The following GABRA3 variants were observed in gnomAD, a reference collection of about 807,000 sequenced individuals.
The protein encoded by GABRA3 is gamma-aminobutyric acid receptor subunit alpha-3.
In GABRA3, 10 loss-of-function variants were observed where a neutral mutation model predicts 30.1. The ratio of observed to expected loss-of-function variants is 0.33; its 90% confidence interval spans 0.20 to 0.56. GABRA3 has a LOEUF of 0.56. GABRA3 is among the 20% of genes least tolerant of loss of function. The pLI is 0.89. For missense variants in GABRA3, 233 were observed against 392.0 expected (o/e 0.59, Z 3.42); for synonymous variants, 151 against 146.8 (o/e 1.03, Z -0.21).
intron 3 of GABRA3, among the ~76,000 whole-genome samples, chrX:152,311,792 T>C (rs1352998573): frequency 1.8e-5 from 2 of 109,663 alleles, no homozygotes; most frequent in African/African-American, 6.7e-5. Context: ...TATGATTCTA[T>C]ACCTAGAAAA....
intron 2 of GABRA3, among the ~76,000 whole-genome samples, chrX:152,357,027 A>T (rs908004942): frequency 9.0e-6 from 1 of 111,688 alleles, no homozygotes; most frequent in Non-Finnish European, 1.9e-5. Context: ...TGTCTTTCCT[A>T]TTATGAAGAG....
chrX:152,385,086 A>C (rs2124510244), intron 1 of GABRA3, among the ~76,000 whole-genome samples: 1 of 111,908 alleles, frequency 8.9e-6, no homozygotes. Context: ...TAATTGATTG[A>C]CAAAAAAATT....
Position 152,232,154 on chromosome X carries a change from T to C in GABRA3, c.552-7309A>G, listed in dbSNP as rs138304684. 2.6e-3 allele frequency among the ~76,000 whole-genome samples: 291 copies of C among 111,789 alleles called. 2 individuals carry two copies. Among genetic ancestry groups the C allele is most frequent in the African/African-American group, 9.1e-3 (280 of 30,911 alleles). ...AATAAATTTTATAATATGTAAGTTA[T>C]ACTTCAAAAAGTTTTTATTTTAAAT... is the stretch of plus-strand genomic sequence containing the variant. On this transcript the variant is annotated intron_variant, in intron 5 of 9. Coordinates refer to ENST00000370314, the MANE Select transcript of GABRA3 (RefSeq NM_000808.4).
intron 4 of GABRA3, among the ~76,000 whole-genome samples, chrX:152,260,864 A>G (rs1165525053): frequency 1.8e-5 from 2 of 111,886 alleles, no homozygotes; most frequent in Non-Finnish European, 3.8e-5. Context: ...ACAATCCAAG[A>G]AAAACATGAA....
chrX:152,284,784 T>C, intron 3 of GABRA3, 49 bp from the exon 4 acceptor site: 1 of 958,910 alleles, frequency 1.0e-6, no homozygotes, highest in Non-Finnish European at 1.5e-6. Context: ...GGCTTTTGTC[T>C]TAGCTCAGAG....
chrX:152,443,847 G>A (rs1602733768), intron 1 of GABRA3, among the ~76,000 whole-genome samples: 2 of 111,991 alleles, frequency 1.8e-5, no homozygotes, highest in South Asian at 7.4e-4. Flanking sequence ...TACAATTATG[G>A]TAGAAATTGA....
At chrX:152,304,770 C>A (rs779245896) in intron 3 of GABRA3, among the ~76,000 whole-genome samples, 9 of 111,702 alleles carry the variant, frequency 8.1e-5, no homozygotes, top group African/African-American at 2.9e-4. Flanking sequence ...ATTGCTTTGG[C>A]TCCTCAGACT....
chrX:152,288,671 T>C (rs1392888762), intron 3 of GABRA3, among the ~76,000 whole-genome samples: 1 of 111,817 alleles, frequency 8.9e-6, no homozygotes, highest in Admixed American at 9.5e-5. Flanking sequence ...GAGTTTCCTA[T>C]TTCATTTAAT....
intron 4 of GABRA3, among the ~76,000 whole-genome samples, chrX:152,259,926 A>T (rs778780314): frequency 9.1e-6 from 1 of 110,311 alleles, no homozygotes; most frequent in Non-Finnish European, 1.9e-5. Flanking sequence ...TAGAGCATCA[A>T]GCAGGCTCTT....
intron 1 of GABRA3, among the ~76,000 whole-genome samples, chrX:152,376,579 T>C (rs918915854): frequency 9.0e-6 from 1 of 111,447 alleles, no homozygotes; most frequent in Non-Finnish European, 1.9e-5. Flanking sequence ...TCCTTTCTCT[T>C]AGACTATAAA....
intron 3 of GABRA3, among the ~76,000 whole-genome samples, chrX:152,310,306 C>T (rs1167715347): frequency 8.9e-6 from 1 of 112,237 alleles, no homozygotes. Flanking sequence ...TTACAGAACA[C>T]TCCATTCAAC....
At chrX:152,417,326 T>TC (rs1930252368) in intron 1 of GABRA3, among the ~76,000 whole-genome samples, 1 of 103,889 alleles carries the variant, frequency 9.6e-6, no homozygotes, top group East Asian at 3.2e-4. Flanking sequence ...CACAATGAGA[T>TC]ACCACCTCAC....
intron 5 of GABRA3, among the ~76,000 whole-genome samples, chrX:152,245,652 A>G (rs1325553574): frequency 8.9e-6 from 1 of 112,048 alleles, no homozygotes; most frequent in Non-Finnish European, 1.9e-5. Flanking sequence ...ACTCTCATGT[A>G]TCTGTGTCTT....
chrX:152,276,819 G>C (rs1477385749), intron 4 of GABRA3, among the ~76,000 whole-genome samples: 1 of 111,710 alleles, frequency 9.0e-6, no homozygotes, highest in Admixed American at 9.5e-5. Context: ...GCCACTATTT[G>C]TTATTTATGA....
At chrX:152,332,104 A>G (rs758888583) in intron 3 of GABRA3, among the ~76,000 whole-genome samples, 1 of 111,873 alleles carries the variant, frequency 8.9e-6, no homozygotes, top group Non-Finnish European at 1.9e-5. Flanking sequence ...AAAATGCTGT[A>G]GTTATCTCCT....
At chrX:152,227,031 G>A (rs1218438354) in intron 5 of GABRA3, among the ~76,000 whole-genome samples, 1 of 110,444 alleles carries the variant, frequency 9.1e-6, no homozygotes, top group Non-Finnish European at 1.9e-5. Flanking sequence ...CCCATTACTG[G>A]GTATGTACCC....
chrX:152,321,165 A>G (rs1939957758), intron 3 of GABRA3, among the ~76,000 whole-genome samples: 1 of 111,413 alleles, frequency 9.0e-6, no homozygotes, highest in Non-Finnish European at 1.9e-5. Flanking sequence ...AAGATAAAAC[A>G]TCTTCCTGTC....
At position 152,339,298 on chromosome X, in the gene GABRA3, G is replaced by A. The variant is rs191005240; in HGVS notation, c.262+6283C>T. 1.9e-3 allele frequency among the ~76,000 whole-genome samples: 210 copies of A among 108,640 alleles called. 1 individual carries two copies. The highest frequency in any genetic ancestry group is 6.7e-3 in the African/African-American group (200 of 29,810). The allele number at this position is 108,640 out of a possible 115,157, so 94.3% of individuals were successfully genotyped here. ...GCTGGAGTGCGGTGGTGTGATCTCG[G>A]CTCATTGCAACCTCCACCTCCCAGG... On this transcript the variant is annotated intron_variant, in intron 3 of 9. Transcript: ENST00000370314.
intron 4 of GABRA3, among the ~76,000 whole-genome samples, chrX:152,277,506 A>G (rs1006988786): frequency 1.8e-5 from 2 of 110,876 alleles, no homozygotes; most frequent in South Asian, 7.6e-4. Context: ...ACCATAGGAA[A>G]TTTTCTCTAC....
Sources: gnomAD v4.1 joint callset for allele counts (sites outside exome capture counted in the v4.1 genomes callset) on GRCh38, gnomAD v4.1.1 for gene constraint, MANE v1.5 for transcripts, NCBI Gene and HGNC (gene_info 2026-07-23, HGNC 2026-07-21) for gene names.